NEURL4: variants seen among roughly 807,000 people sequenced by gnomAD.
NEURL4 encodes neuralized-like protein 4.
In NEURL4, 45 loss-of-function variants were observed where a neutral mutation model predicts 148.0. The ratio of observed to expected loss-of-function variants is 0.30; its 90% CI spans 0.24 to 0.39. NEURL4 has a LOEUF of 0.39. NEURL4 is among the 10% of genes least tolerant of loss of function. The pLI is 1.00. For synonymous variants in NEURL4, 854 were observed against 869.0 expected (o/e 0.98, Z 0.30); for missense variants, 1,776 against 2,144.0 (o/e 0.83, Z 3.39).
In NEURL4 at chr17:7,327,972, C is replaced by T; in HGVS notation, c.283-88G>A. Reference sequence around the variant, plus strand: ...ATCTTCCCACCTCTCAGACAGCTAGCTGGCTTTCTGTCTCTTGGAACACTA... The same window carrying T: ...ATCTTCCCACCTCTCAGACAGCTAGTTGGCTTTCTGTCTCTTGGAACACTA... On this transcript the variant is annotated intron_variant, in intron 1 of 28. Transcript: ENST00000399464. The surrounding 1 kb of genome is among the most constrained non-coding windows in gnomAD (Gnocchi z 6.6). The T allele has an allele frequency of 9.5e-7, 1 of 1,054,726 alleles. No individual in the cohort carries two copies. Among genetic ancestry groups the T allele is most frequent in the East Asian group, 2.6e-5 (1 of 38,286 alleles). The allele number at this position is 1,054,726 out of a possible 1,614,324, so 65.3% of individuals were successfully genotyped here.
In NEURL4 at chr17:7,320,804, G is replaced by T. The variant is rs770595886; in HGVS notation, c.3480C>A (p.Gly1160=). The part of the protein sequence containing the change: ...TATRVASYNQ[G]IVVINQPLVP... ...CCAGAGGTTGGTTGATGACAACGAT[G>T]CCCTGATTGTAGCTGGCCACCCGTG... Residue 1160 remains glycine (G), a synonymous_variant, in exon 21 of 29, where the codon GGC becomes GGA. Transcript: ENST00000399464. 2.5e-6 allele frequency: 4 copies of T among 1,614,126 alleles called. No individual in the cohort carries two copies. The highest frequency in any genetic ancestry group is 4.5e-5 in the East Asian group (2 of 44,884).
intron 12 of NEURL4, 26 bp downstream of exon 12, chr17:7,323,788 G>T: frequency 6.2e-7 from 1 of 1,613,946 alleles, no homozygotes; most frequent in Non-Finnish European, 8.5e-7. Context: ...GGAGGAAGGT[G>T]GGGACATGAA....
At position 7,322,347 on chromosome 17, in the gene NEURL4, G is replaced by A. The variant is rs2073045103; in HGVS notation, c.2726-337C>T. 6.6e-6 allele frequency among the ~76,000 whole-genome samples: 1 copy of A among 152,084 alleles called. No individual in the cohort carries two copies. Among genetic ancestry groups the A allele is most frequent in the Non-Finnish European group, 1.5e-5 (1 of 68,006 alleles). Reference sequence around the variant, plus strand: ...TACATTTTGTATTTTTGGTACAGACGGGGTTTCGCCATGTTTCCCAGGCTG... The same window carrying A: ...TACATTTTGTATTTTTGGTACAGACAGGGTTTCGCCATGTTTCCCAGGCTG... On this transcript the variant is annotated intron_variant, in intron 16 of 28. Coordinates refer to ENST00000399464, the MANE Select transcript of NEURL4 (RefSeq NM_032442.3). The surrounding 1 kb of genome is among the most constrained non-coding windows in gnomAD (Gnocchi z 5.5).
intron 26 of NEURL4, 97 bp downstream of exon 26, chr17:7,317,691 C>T: frequency 3.8e-6 from 6 of 1,574,802 alleles, no homozygotes; most frequent in Non-Finnish European, 4.3e-6. Context: ...TTTCCTTAGA[C>T]AGGAAGTTCT....
chr17:7,329,026 T>G lies in NEURL4; in HGVS notation c.282+5A>C, dbSNP rs752491313. 16 of 1,572,274 alleles carry G rather than the reference T, an allele frequency of 1.0e-5. No individual in the cohort carries two copies. Among genetic ancestry groups the G allele is most frequent in the Non-Finnish European group, 1.3e-5 (15 of 1,156,862 alleles). ...CATCTCTGTTCCGCGGTACCAGCGC[T>G]GCACCTTGCGGTCGATGCGGACGGT... is the stretch of plus-strand genomic sequence containing the variant. On this transcript the variant is annotated splice_donor_5th_base_variant and intron_variant, in intron 1 of 28. Coordinates refer to ENST00000399464, the MANE Select transcript of NEURL4 (RefSeq NM_032442.3).
Position 7,317,127 on chromosome 17 carries a change from T to C in NEURL4, c.4484+78A>G, listed in dbSNP as rs549200449. 31 of 1,059,036 alleles carry C rather than the reference T, an allele frequency of 2.9e-5. No homozygotes were observed. The Admixed American group carries it at 3.1e-4, about 10-fold the overall frequency. The allele number at this position is 1,059,036 out of a possible 1,614,324, so 65.6% of individuals were successfully genotyped here. ...GATGAGAAAAGGGGAGGGCGAATCA[T>C]GAAGACCCCAGTGGCTGCGCTTGGG... On this transcript the variant is annotated intron_variant, in intron 28 of 28. Coordinates refer to ENST00000399464, the MANE Select transcript of NEURL4 (RefSeq NM_032442.3).
chr17:7,316,401 C>T (rs931385715), intron 28 of NEURL4, 74 bp from the exon 29 acceptor site: 1 of 1,225,214 alleles, frequency 8.2e-7, no homozygotes, highest in Non-Finnish European at 1.2e-6. Flanking sequence ...CTGTTCCAAC[C>T]ACACAAGCCT....
chr17:7,324,850 G>A lies in NEURL4; in HGVS notation c.1762C>T (p.His588Tyr). 6.2e-7 allele frequency: 1 copy of A among 1,614,198 alleles called. No individual in the cohort carries two copies. The highest frequency in any genetic ancestry group is 1.6e-4 in the Middle Eastern group (1 of 6,062). ...AGSIEIGVTT[H>Y]NPAYLQLPST... is the part of the protein sequence containing the mutation. ...GGCAACTGGAGGTAGGCAGGGTTGT[G>A]GGTGGTGACACCAATTTCAATGGAG... Residue 588 changes from histidine (H) to tyrosine (Y), a missense_variant, in exon 9 of 29, where the codon CAC (histidine) becomes TAC (tyrosine). Transcript: ENST00000399464. The surrounding 1 kb of genome is among the most constrained non-coding windows in gnomAD (Gnocchi z 5.9).
In NEURL4 at chr17:7,321,138, C is replaced by G. The variant is rs1328718839; in HGVS notation, c.3334G>C (p.Asp1112His). The change falls in exon 20 of 29, where the codon GAC becomes CAC. Residue 1112 changes from aspartate (D) to histidine (H), a missense_variant. Coordinates refer to ENST00000399464, the MANE Select transcript of NEURL4 (RefSeq NM_032442.3). This position sits in a 1 kb window ranked among gnomAD's most constrained non-coding sequence, Gnocchi z 6.3. ...SDTGSEGEEDDEGEEHGLGGQ... is the reference protein window; with the variant it reads ...SDTGSEGEEDHEGEEHGLGGQ... ...CCCAGGCCATGCTCCTCGCCCTCGT[C>G]ATCCTCCTCGCCCTCACTGCCGGTG... The G allele has an allele frequency of 6.2e-7, 1 of 1,613,858 alleles. No homozygotes were observed. The highest frequency in any genetic ancestry group is 2.2e-5 in the East Asian group (1 of 44,882).
At position 7,327,535 on chromosome 17, in the gene NEURL4, A is replaced by T. The variant is rs1347417903; in HGVS notation, c.632T>A (p.Phe211Tyr). ...TGTGGGGATGGGAGTAGGGGGGCTG[A>T]AGCCTGGCTCAGGGGGTAGCACGGT... is the stretch of plus-strand genomic sequence containing the variant. ...QITVLPPEPG[F>Y]SPPTPIPTPP... Residue 211 changes from phenylalanine (F) to tyrosine (Y), a missense_variant, in exon 2 of 29, where the codon TTC becomes TAC. Phe to Tyr is a conservative substitution (Grantham distance 22). Coordinates refer to ENST00000399464, the MANE Select transcript of NEURL4 (RefSeq NM_032442.3). The surrounding 1 kb of genome is among the most constrained non-coding windows in gnomAD (Gnocchi z 6.6). The T allele has an allele frequency of 3.7e-6, 6 of 1,608,496 alleles. No individual in the cohort carries two copies. Among genetic ancestry groups the T allele is most frequent in the Non-Finnish European group, 5.1e-6 (6 of 1,177,716 alleles).
Position 7,321,839 on chromosome 17 carries a change from C to T in NEURL4, c.2871+26G>A. 2 of 1,611,874 alleles carry T rather than the reference C, an allele frequency of 1.2e-6. No individual in the cohort carries two copies. Among genetic ancestry groups the T allele is most frequent in the African/African-American group, 1.3e-5 (1 of 75,014 alleles). Reference sequence around the variant, plus strand: ...GCCCTGTCGTGATGGGCCTCGCAGCCCCTCTGTCACATCACTACGGCCTAC... The same window carrying T: ...GCCCTGTCGTGATGGGCCTCGCAGCTCCTCTGTCACATCACTACGGCCTAC... On this transcript the variant is annotated intron_variant, in intron 17 of 28. Coordinates refer to ENST00000399464, the MANE Select transcript of NEURL4 (RefSeq NM_032442.3). The surrounding 1 kb of genome is among the most constrained non-coding windows in gnomAD (Gnocchi z 6.3).
intron 6 of NEURL4, 101 bp from the exon 7 acceptor site, chr17:7,325,814 C>G (rs2073097129): frequency 2.1e-6 from 2 of 966,230 alleles, no homozygotes; most frequent in South Asian, 2.6e-5. Flanking sequence ...GAGTCTCAGA[C>G]CACCCTGGAG....
chr17:7,325,747 C>T, intron 6 of NEURL4, 34 bp from the exon 7 acceptor site: 1 of 1,562,204 alleles, frequency 6.4e-7, no homozygotes, highest in Non-Finnish European at 8.8e-7. Context: ...TAGAGGAGTC[C>T]TGAGGCCTGC....
chr17:7,328,635 T>G (rs1434240135), intron 1 of NEURL4, among the ~76,000 whole-genome samples: 1 of 152,140 alleles, frequency 6.6e-6, no homozygotes, highest in Non-Finnish European at 1.5e-5. Context: ...AACCCCTGAC[T>G]CTAGTGATCC....
Position 7,326,197 on chromosome 17 carries a change from A to G in NEURL4, c.1293+58T>C. 1 of 1,522,258 alleles carries G rather than the reference A, an allele frequency of 6.6e-7. No individual in the cohort carries two copies. The highest frequency in any genetic ancestry group is 9.0e-7 in the Non-Finnish European group (1 of 1,105,074). The allele number at this position is 1,522,258 out of a possible 1,614,324, so 94.3% of individuals were successfully genotyped here. ...GACCCTGCTTGGTGCCCTGGCAGGG[A>G]CACAGAGTACCTGTGGCTCTGCTGA... is the stretch of plus-strand genomic sequence containing the variant. On this transcript the variant is annotated intron_variant, in intron 6 of 28. Transcript: ENST00000399464. The surrounding 1 kb of genome is among the most constrained non-coding windows in gnomAD (Gnocchi z 6.0).
chr17:7,324,092 C>G lies in NEURL4; in HGVS notation c.2062+16G>C. On this transcript the variant is annotated intron_variant, in intron 11 of 28. Coordinates refer to ENST00000399464, the MANE Select transcript of NEURL4 (RefSeq NM_032442.3). The surrounding 1 kb of genome is among the most constrained non-coding windows in gnomAD (Gnocchi z 5.9). ...GGCCACCCTAACCCCCAGCCCCAGC[C>G]CAGCCCGGCCCTCACCCACGTCGTC... 6.2e-7 allele frequency: 1 copy of G among 1,611,462 alleles called. No homozygotes were observed. Among genetic ancestry groups the G allele is most frequent in the Non-Finnish European group, 8.5e-7 (1 of 1,179,744 alleles).
At position 7,322,627 on chromosome 17, in the gene NEURL4, G is replaced by C. The variant is rs2073048214; in HGVS notation, c.2725+108C>G. On this transcript the variant is annotated intron_variant, in intron 16 of 28. Coordinates refer to ENST00000399464, the MANE Select transcript of NEURL4 (RefSeq NM_032442.3). This position sits in a 1 kb window ranked among gnomAD's most constrained non-coding sequence, Gnocchi z 5.5. ...GGCTGTCCCTTCCCTGGAGCCGGCA[G>C]CTACCCCAGCCAACCGTCTTTGCAG... 2 of 1,438,562 alleles carry C rather than the reference G, an allele frequency of 1.4e-6. No homozygotes were observed. The highest frequency in any genetic ancestry group is 1.9e-6 in the Non-Finnish European group (2 of 1,057,524). 89.1% of individuals were successfully genotyped at this position (1,438,562 alleles called of 1,614,324 possible).
rs114066880 is a variant in NEURL4, at chr17:7,321,159, C to T, written c.3313G>A (p.Gly1105Ser). The T allele has an allele frequency of 2.2e-5, 35 of 1,613,982 alleles. No homozygotes were observed. The highest frequency in any genetic ancestry group is 1.9e-4 in the African/African-American group (14 of 75,046). ...TQPPSPSSDT[G>S]SEGEEDDEGE... ...TCGTCATCCTCCTCGCCCTCACTGCCGGTGTCTGAACTGGGGGAAGGAGGC... is the reference window on the plus strand; with the variant it reads ...TCGTCATCCTCCTCGCCCTCACTGCTGGTGTCTGAACTGGGGGAAGGAGGC... Residue 1105 changes from glycine to serine, a missense_variant, in exon 20 of 29, where the codon GGC (glycine) becomes AGC (serine). Gly to Ser is a moderately conservative substitution (Grantham distance 56). Coordinates refer to ENST00000399464, the MANE Select transcript of NEURL4 (RefSeq NM_032442.3). The surrounding 1 kb of genome is among the most constrained non-coding windows in gnomAD (Gnocchi z 6.3).
intron 7 of NEURL4, 63 bp downstream of exon 7, chr17:7,325,578 C>T: frequency 1.3e-6 from 2 of 1,588,556 alleles, no homozygotes; most frequent in Non-Finnish European, 1.7e-6. Flanking sequence ...GGATGAGGTA[C>T]AGCCCCCAGT....
Sources: gnomAD v4.1 joint callset for allele counts (sites outside exome capture counted in the v4.1 genomes callset) on GRCh38, gnomAD v4.1.1 for gene constraint, Gnocchi (gnomAD v3.1) non-coding constraint, MANE v1.5 for transcripts, NCBI Gene and HGNC (gene_info 2026-07-23, HGNC 2026-07-21) for gene names.